The following ADAP2 variants were observed in gnomAD, a reference collection of about 807,000 sequenced individuals.
ADAP2 encodes ArfGAP with dual PH domains 2.
In ADAP2, 42 loss-of-function variants were observed where a neutral mutation model predicts 54.9. The observed-to-expected ratio is 0.77, with a 90% CI of 0.60 to 0.99. The LOEUF is 0.99. Ranked by LOEUF, ADAP2 falls within the 50% of genes least tolerant of loss-of-function variation. The pLI is 0.00. For missense variants in ADAP2, 429 were observed against 480.4 expected (o/e 0.89, Z 1.00); for synonymous variants, 177 against 180.1 (o/e 0.98, Z 0.14).
At chr17:30,926,038 T>A (rs1467343398) in intron 2 of ADAP2, among the ~76,000 whole-genome samples, 1 of 152,142 alleles carries the variant, frequency 6.6e-6, no homozygotes, top group Non-Finnish European at 1.5e-5. Flanking sequence ...GGCCATTTTC[T>A]TCATTTTTAC....
chr17:30,946,844 A>G (rs1318661428), intron 6 of ADAP2, among the ~76,000 whole-genome samples: 1 of 152,180 alleles, frequency 6.6e-6, no homozygotes, highest in East Asian at 1.9e-4. Flanking sequence ...TGTAGGAAGG[A>G]CACTTGGCAG....
Position 30,923,050 on chromosome 17 carries a change from T to C in ADAP2, c.205T>C (p.Trp69Arg). 1 of 1,613,900 alleles carries C rather than the reference T, an allele frequency of 6.2e-7. No individual in the cohort carries two copies. The change falls in exon 2 of 11, where the codon TGG (tryptophan) becomes CGG (arginine). Residue 69 changes from tryptophan (W) to arginine (R), a missense_variant. By Grantham distance (101) the Trp-to-Arg change is moderately radical. Transcript: ENST00000330889. Reference sequence around the variant, plus strand: ...AGTTAAATCTGTGCGACTTGACTTCTGGGACGACAGTATTGTGGAGGTAGA... The same window carrying C: ...AGTTAAATCTGTGCGACTTGACTTCCGGGACGACAGTATTGTGGAGGTAGA... ...SRVKSVRLDF[W>R]DDSIVEFMIH...
In ADAP2 at chr17:30,956,491, G is replaced by C. The variant is rs375094164; in HGVS notation, c.1111+22G>C. Reference sequence around the variant, plus strand: ...CTTAGTAAGAAGCAGGAACTGAGGGGTGTTCTTTTGGACAAGGGCAGAGGA... The same window carrying C: ...CTTAGTAAGAAGCAGGAACTGAGGGCTGTTCTTTTGGACAAGGGCAGAGGA... On this transcript the variant is annotated intron_variant, in intron 10 of 10. Coordinates refer to ENST00000330889, the MANE Select transcript of ADAP2 (RefSeq NM_018404.3). The C allele has an allele frequency of 5.5e-4, 892 of 1,610,322 alleles. 22 individuals are homozygous for C. In the South Asian group the frequency reaches 9.2e-3, roughly 17 times the overall value.
In ADAP2 at chr17:30,958,206, G is replaced by T; in HGVS notation, c.*337G>T. ...AAGGCACCCACAGCATCATGCAAGT[G>T]GCATCTTGTAAAAAAAAAAAAAAAG... On this transcript the variant is annotated 3_prime_UTR_variant, in exon 11 of 11. Transcript: ENST00000330889. 1 of 296,844 alleles carries T rather than the reference G, an allele frequency of 3.4e-6. No individual in the cohort carries two copies. The highest frequency in any genetic ancestry group is 2.2e-5 in the African/African-American group (1 of 45,940). 18.4% of individuals were successfully genotyped at this position (296,844 alleles called of 1,614,324 possible). A position where few individuals can be genotyped will look rare whatever the true frequency, so the allele number is the denominator to read the frequency against.
chr17:30,924,255 C>T (rs1223785416), intron 2 of ADAP2, among the ~76,000 whole-genome samples: 1 of 152,046 alleles, frequency 6.6e-6, no homozygotes, highest in Non-Finnish European at 1.5e-5. Flanking sequence ...CGCCTGTCGT[C>T]CCAGATACTT....
Position 30,953,363 on chromosome 17 carries a change from A to T in ADAP2, c.804+13A>T. ...GACTGGGCCAAAGGTACCTTCTATCACTCCCTGGGGAACTTAATATGGTTT... is the reference window on the plus strand; with the variant it reads ...GACTGGGCCAAAGGTACCTTCTATCTCTCCCTGGGGAACTTAATATGGTTT... On this transcript the variant is annotated intron_variant, in intron 8 of 10. Transcript: ENST00000330889. 1 of 1,611,722 alleles carries T rather than the reference A, an allele frequency of 6.2e-7. No individual in the cohort carries two copies. Among genetic ancestry groups the T allele is most frequent in the Non-Finnish European group, 8.5e-7 (1 of 1,178,682 alleles).
chr17:30,948,989 G>T (rs561106544), intron 6 of ADAP2, among the ~76,000 whole-genome samples: 1 of 152,186 alleles, frequency 6.6e-6, no homozygotes, highest in Non-Finnish European at 1.5e-5. Flanking sequence ...GATTTTGCAC[G>T]CATTAGAAGG....
chr17:30,946,572 C>G (rs1912695967), intron 6 of ADAP2, among the ~76,000 whole-genome samples: 1 of 152,006 alleles, frequency 6.6e-6, no homozygotes, highest in Admixed American at 6.6e-5. Context: ...ATGAATAAGC[C>G]AATATAACAG....
intron 5 of ADAP2, among the ~76,000 whole-genome samples, chr17:30,939,231 C>A (rs1481465618): frequency 6.6e-6 from 1 of 152,120 alleles, no homozygotes; most frequent in African/African-American, 2.4e-5. Context: ...GACAGGGCCT[C>A]ATCATTGGTT....
chr17:30,922,869 T>G, intron 1 of ADAP2, 71 bp from the exon 2 acceptor site: 1 of 1,558,328 alleles, frequency 6.4e-7, no homozygotes, highest in Non-Finnish European at 8.7e-7. Flanking sequence ...CCTGCCCCAG[T>G]GCCCCGAGCC....
chr17:30,937,577 A>C (rs1004140947), intron 5 of ADAP2, among the ~76,000 whole-genome samples: 2 of 152,178 alleles, frequency 1.3e-5, no homozygotes, highest in African/African-American at 4.8e-5. Context: ...AGTAGGGAGG[A>C]AGGAGGCCAG....
At chr17:30,944,205 A>C (rs1457884586) in intron 5 of ADAP2, among the ~76,000 whole-genome samples, 12 of 152,190 alleles carry the variant, frequency 7.9e-5, no homozygotes, top group Admixed American at 7.9e-4. Context: ...AAAAACAAAG[A>C]AAAGAATGAG....
Position 30,949,406 on chromosome 17 carries a change from T to C in ADAP2, c.741+36T>C, listed in dbSNP as rs367940102. On this transcript the variant is annotated intron_variant, in intron 7 of 10. Transcript: ENST00000330889. Reference sequence around the variant, plus strand: ...TGCGGACCCCAATTTCTGAATCTCCTCTTGGCCATCTCCTTCTTTCCCTGT... The same window carrying C: ...TGCGGACCCCAATTTCTGAATCTCCCCTTGGCCATCTCCTTCTTTCCCTGT... The C allele has an allele frequency of 2.7e-5, 43 of 1,564,344 alleles. No individual in the cohort carries two copies. In the African/African-American group the frequency reaches 5.3e-4, roughly 19 times the overall value.
chr17:30,950,397 A>T (rs906960925), intron 7 of ADAP2, among the ~76,000 whole-genome samples: 2 of 152,060 alleles, frequency 1.3e-5, no homozygotes, highest in African/African-American at 4.8e-5. Flanking sequence ...GGGATGCTCT[A>T]TTGCTCACTT....
chr17:30,953,648 T>C (rs975290736), intron 8 of ADAP2, among the ~76,000 whole-genome samples: 2 of 152,112 alleles, frequency 1.3e-5, no homozygotes, highest in African/African-American at 2.4e-5. Context: ...GCGATTCTCC[T>C]GCCTCAGACT....
chr17:30,922,002 C>A lies in ADAP2; in HGVS notation c.-13C>A. ...GCCATGGGCTGAGCCCCGCTGAGCC[C>A]GCCGGGCCGGCCATGGGCGATCGCG... On this transcript the variant is annotated 5_prime_UTR_variant, in exon 1 of 11. Transcript: ENST00000330889. 7.9e-7 allele frequency: 1 copy of A among 1,267,888 alleles called. No individual in the cohort carries two copies. The highest frequency in any genetic ancestry group is 9.9e-7 in the Non-Finnish European group (1 of 1,010,378). 78.5% of individuals were successfully genotyped at this position (1,267,888 alleles called of 1,614,324 possible). A position where few individuals can be genotyped will look rare whatever the true frequency, so the allele number is the denominator to read the frequency against.
chr17:30,958,688 G>A lies in ADAP2; in HGVS notation c.*819G>A, dbSNP rs1335647146. On this transcript the variant is annotated 3_prime_UTR_variant, in exon 11 of 11. Transcript: ENST00000330889. ...GCAGGAGGATTGAGACCAGGAGTTCGAGAAGAGCCTGGGCAACATAGTGAG... is the reference window on the plus strand; with the variant it reads ...GCAGGAGGATTGAGACCAGGAGTTCAAGAAGAGCCTGGGCAACATAGTGAG... 1 of 152,206 alleles carries A rather than the reference G, an allele frequency of 6.6e-6. No homozygotes were observed. The highest frequency in any genetic ancestry group is 2.4e-5 in the African/African-American group (1 of 41,426). The allele number at this position is 152,206 out of a possible 1,614,324, so 9.4% of individuals were successfully genotyped here.
chr17:30,957,840 TCA>T lies in ADAP2; in HGVS notation c.1118_1119del (p.Ser373TyrfsTer12). On this transcript the variant is annotated frameshift_variant, in exon 11 of 11. Transcript: ENST00000330889. LOFTEE classifies it high-confidence loss of function. ...PLTPLNRLTA[S>X]TESGRSSR ...CCTCTTCATTTCCCTTGCAGCTGCA[TCA>T]ACAGAGAGTGGCCGCAGCAGCAGGT... The T allele has an allele frequency of 6.2e-7, 1 of 1,613,852 alleles. No individual in the cohort carries two copies. The highest frequency in any genetic ancestry group is 8.5e-7 in the Non-Finnish European group (1 of 1,179,904).
At chr17:30,930,872 A>G (rs888498704) in intron 3 of ADAP2, among the ~76,000 whole-genome samples, 1 of 152,152 alleles carries the variant, frequency 6.6e-6, no homozygotes, top group African/African-American at 2.4e-5. Flanking sequence ...AGATCACATT[A>G]AACACCTACT....
Sources: gnomAD v4.1 joint callset for allele counts (sites outside exome capture counted in the v4.1 genomes callset) on GRCh38, gnomAD v4.1.1 for gene constraint, MANE v1.5 for transcripts, NCBI Gene and HGNC (gene_info 2026-07-23, HGNC 2026-07-21) for gene names.